Variants in DMXL1 observed in about 807,000 individuals in gnomAD.
The protein encoded by DMXL1 is dmX-like protein 1.
Under a neutral mutation model 319.2 loss-of-function variants are expected in DMXL1, and 99 were observed. The ratio of observed to expected loss-of-function variants is 0.31; its 90% CI spans 0.26 to 0.37. The LOEUF (loss-of-function observed/expected upper bound fraction) is 0.37, where lower values mean the gene tolerates loss of function less well. DMXL1 is among the 10% of genes least tolerant of loss of function. The pLI, the probability that DMXL1 is intolerant of heterozygous loss-of-function variation, is 1.00. For missense variants in DMXL1, 3,745 were observed against 3,595.6 expected (o/e 1.04, Z -1.06); for synonymous variants, 1,385 against 1,235.2 (o/e 1.12, Z -2.54).
At chr5:119,200,141 C>G (rs2150432379) in intron 32 of DMXL1, among the ~76,000 whole-genome samples, 1 of 152,222 alleles carries the variant, frequency 6.6e-6, no homozygotes, top group South Asian at 2.1e-4. Context: ...GTCATAAAAT[C>G]TTTGCCTGTT....
At position 119,133,548 on chromosome 5, in the gene DMXL1, C is replaced by T. The variant is rs767851245; in HGVS notation, c.1624C>T (p.Leu542Phe). ...TTTCCCCACAGGTGATGCAAACTCT[C>T]TCTGTAAAAGCATAATGATGTATGC... Reference protein sequence around the residue: ...VAFPTGDANSLCKSIMMYACT... With the variant: ...VAFPTGDANSFCKSIMMYACT... Residue 542 changes from leucine (L) to phenylalanine (F), a missense_variant, in exon 12 of 44, where the codon CTC becomes TTC. This residue lies in a region of DMXL1 where 2,096 missense variants were observed against 1,985.4 expected (regional missense o/e 1.06). Coordinates refer to ENST00000539542, the MANE Select transcript of DMXL1 (RefSeq NM_001290321.3). 2 of 1,613,230 alleles carry T rather than the reference C, an allele frequency of 1.2e-6. No individual in the cohort carries two copies. The highest frequency in any genetic ancestry group is 1.1e-5 in the South Asian group (1 of 90,550).
At chr5:119,212,285 T>G (rs1388254081) in intron 34 of DMXL1, among the ~76,000 whole-genome samples, 5 of 152,202 alleles carry the variant, frequency 3.3e-5, no homozygotes. Context: ...CCTAGGTACC[T>G]CATGTAAATG....
chr5:119,152,577 T>C (rs1770050424), intron 19 of DMXL1, among the ~76,000 whole-genome samples: 1 of 152,248 alleles, frequency 6.6e-6, no homozygotes, highest in Non-Finnish European at 1.5e-5. Context: ...CTGTTAGTTC[T>C]CTTACTTTGA....
chr5:119,166,327 A>G (rs1773441423), intron 21 of DMXL1, among the ~76,000 whole-genome samples: 1 of 152,236 alleles, frequency 6.6e-6, no homozygotes, highest in Non-Finnish European at 1.5e-5. Context: ...GGTGGCACCC[A>G]AGTTAATATA....
chr5:119,139,310 G>C (rs917307822), intron 13 of DMXL1, among the ~76,000 whole-genome samples: 2 of 152,128 alleles, frequency 1.3e-5, no homozygotes, highest in Non-Finnish European at 2.9e-5. Context: ...CAGGCTTAAT[G>C]CCCCACGTAA....
At chr5:119,128,918 G>A (rs998847366) in intron 9 of DMXL1, among the ~76,000 whole-genome samples, 10 of 152,034 alleles carry the variant, frequency 6.6e-5, no homozygotes, top group Non-Finnish European at 1.2e-4. Flanking sequence ...ACAAAAATTA[G>A]CTGGGCGTGG....
chr5:119,121,227 TA>T, intron 9 of DMXL1, 88 bp downstream of exon 9: 1 of 1,155,108 alleles, frequency 8.7e-7, no homozygotes, highest in Non-Finnish European at 1.2e-6. Flanking sequence ...TTCAAATAAG[TA>T]AAATATTGGA....
At chr5:119,206,672 A>AC (rs1781801573) in intron 33 of DMXL1, 162 bp from the exon 34 acceptor site, 1 of 471,776 alleles carries the variant, frequency 2.1e-6, no homozygotes, top group African/African-American at 2.0e-5. Flanking sequence ...ACCCTCACAC[A>AC]TGCTTCTTAT....
chr5:119,180,711 ATATT>A (rs1264871038), intron 28 of DMXL1, among the ~76,000 whole-genome samples: 3 of 152,104 alleles, frequency 2.0e-5, no homozygotes, highest in African/African-American at 7.2e-5. Flanking sequence ...GCCTTGGACT[ATATT>A]TATACTTGAG....
chr5:119,115,086 G>A (rs1760540467), intron 6 of DMXL1, among the ~76,000 whole-genome samples: 1 of 152,132 alleles, frequency 6.6e-6, no homozygotes, highest in Non-Finnish European at 1.5e-5. Flanking sequence ...CCATTTACCA[G>A]CTTTATCACC....
intron 9 of DMXL1, among the ~76,000 whole-genome samples, chr5:119,124,806 A>G (rs374009720): frequency 4.6e-5 from 7 of 152,140 alleles, no homozygotes; most frequent in African/African-American, 1.7e-4. Flanking sequence ...CCTCCTCGTG[A>G]TCTGCCTGCC....
rs749972783 is a variant in DMXL1, at chr5:119,197,878, C to T, written c.7667C>T (p.Thr2556Ile). The T allele has an allele frequency of 1.2e-6, 2 of 1,614,082 alleles. No individual in the cohort carries two copies. The highest frequency in any genetic ancestry group is 1.7e-6 in the Non-Finnish European group (2 of 1,180,036). Residue 2556 changes from threonine to isoleucine, a missense_variant, in exon 32 of 44, where the codon ACC (threonine) becomes ATC (isoleucine). Physicochemically the swap from Thr to Ile is moderately conservative, Grantham distance 89. Coordinates refer to ENST00000539542, the MANE Select transcript of DMXL1 (RefSeq NM_001290321.3). ...GPPQNYIASH[T>I]AEESLSAGPA... Reference sequence around the variant, plus strand: ...CCTCAAAATTATATCGCAAGTCATACCGCCGAAGAGAGTTTGTCTGCAGGT... The same window carrying T: ...CCTCAAAATTATATCGCAAGTCATATCGCCGAAGAGAGTTTGTCTGCAGGT...
intron 25 of DMXL1, among the ~76,000 whole-genome samples, chr5:119,172,394 C>A (rs552503049): frequency 6.6e-6 from 1 of 152,180 alleles, no homozygotes; most frequent in Non-Finnish European, 1.5e-5. Context: ...AACTATTTGC[C>A]CCTGTCATCC....
chr5:119,077,175 T>G (rs1751063091), intron 1 of DMXL1, among the ~76,000 whole-genome samples: 1 of 143,942 alleles, frequency 6.9e-6, no homozygotes, highest in East Asian at 1.9e-4. Flanking sequence ...TTTATTTTTT[T>G]GAGGCAGGAT....
intron 28 of DMXL1, among the ~76,000 whole-genome samples, chr5:119,182,536 T>C (rs1014337025): frequency 1.3e-5 from 2 of 152,174 alleles, no homozygotes. Flanking sequence ...TTCTTTGCAA[T>C]GATGGCCTCA....
chr5:119,105,959 A>G lies in DMXL1; in HGVS notation c.364+701A>G, dbSNP rs182979033. ...TGTATCAGTTATCTATTTCTGCATT[A>G]GAAAAGCATCCTCCAAAATGATGGA... is the stretch of plus-strand genomic sequence containing the variant. On this transcript the variant is annotated intron_variant, in intron 4 of 43. Coordinates refer to ENST00000539542, the MANE Select transcript of DMXL1 (RefSeq NM_001290321.3). 5.9e-5 allele frequency among the ~76,000 whole-genome samples: 9 copies of G among 152,086 alleles called. No homozygotes were observed. The East Asian group carries it at 1.7e-3, about 29-fold the overall frequency.
At chr5:119,170,130 C>G (rs138844315) in intron 23 of DMXL1, 60 bp from the exon 24 acceptor site, 38 of 1,498,222 alleles carry the variant, frequency 2.5e-5, no homozygotes, top group Non-Finnish European at 2.8e-5. Flanking sequence ...AGAAAAGACA[C>G]TACAATAGAA....
chr5:119,091,504 T>C (rs1186886278), intron 1 of DMXL1, among the ~76,000 whole-genome samples: 3 of 152,230 alleles, frequency 2.0e-5, no homozygotes, highest in Non-Finnish European at 4.4e-5. Context: ...TCCACTGTGC[T>C]TGGCCTGCTG....
chr5:119,082,018 T>TACACAC (rs1401465096), intron 1 of DMXL1, among the ~76,000 whole-genome samples: 61 of 71,420 alleles, frequency 8.5e-4, no homozygotes, highest in Non-Finnish European at 1.2e-3. Flanking sequence ...TATATATATA[T>TACACAC]ATACACACAC....
Sources: gnomAD v4.1 joint callset for allele counts (sites outside exome capture counted in the v4.1 genomes callset) on GRCh38, gnomAD v4.1.1 for gene constraint, gnomAD v4.1.1 regional missense constraint, MANE v1.5 for transcripts, NCBI Gene and HGNC (gene_info 2026-07-23, HGNC 2026-07-21) for gene names.